ANKRD30B: variants seen among roughly 807,000 people sequenced by gnomAD.
The protein encoded by ANKRD30B is ankyrin repeat domain-containing protein 30B.
In ANKRD30B, 144 loss-of-function variants were observed where a neutral mutation model predicts 202.2. The ratio of observed to expected loss-of-function variants is 0.71; its 90% confidence interval spans 0.62 to 0.82. The LOEUF is 0.82. ANKRD30B is among the 40% of genes least tolerant of loss of function. ANKRD30B has a pLI of 0.00. For missense variants in ANKRD30B, 1,487 were observed against 1,669.1 expected, an observed-to-expected ratio of 0.89 and a Z score of 1.90; for synonymous variants, 508 against 561.3, an observed-to-expected ratio of 0.91 and a Z score of 1.34.
chr18:14,755,039 T>C, intron 4 of ANKRD30B, 34 bp downstream of exon 4: 1 of 1,225,392 alleles, frequency 8.2e-7, no homozygotes, highest in Middle Eastern at 2.0e-4. Flanking sequence ...TAAAAAACAC[T>C]TGACTAGTGT....
At chr18:14,790,285 T>C (rs958398177) in intron 15 of ANKRD30B, among the ~76,000 whole-genome samples, 1 of 152,186 alleles carries the variant, frequency 6.6e-6, no homozygotes, top group Non-Finnish European at 1.5e-5. Flanking sequence ...TAAGGAGATT[T>C]TGGGCTGAGA....
chr18:14,900,971 CTG>C, the ANKRD30B span, among the ~76,000 whole-genome samples: 1 of 152,272 alleles, frequency 6.6e-6, no homozygotes, highest in African/African-American at 2.4e-5. Context: ...TTAAGCCAAA[CTG>C]AATCTTAACT....
the ANKRD30B span, among the ~76,000 whole-genome samples, chr18:14,880,735 C>T: frequency 1.3e-5 from 2 of 151,836 alleles, no homozygotes; most frequent in African/African-American, 4.8e-5. Context: ...TTGGCTCCCT[C>T]TATGATTTCT....
intron 30 of ANKRD30B, among the ~76,000 whole-genome samples, chr18:14,821,861 TA>T (rs1198367520): frequency 1.1e-4 from 16 of 152,230 alleles, no homozygotes; most frequent in Admixed American, 3.9e-4. Context: ...AAAATACTCG[TA>T]TTTCACAGAG....
intron 3 of ANKRD30B, 46 bp from the exon 4 acceptor site, chr18:14,754,853 G>C (rs777574235): frequency 7.6e-7 from 1 of 1,319,938 alleles, no homozygotes. Context: ...GTTCAGCTGA[G>C]AAATATGTAA....
At chr18:14,883,421 A>C in the ANKRD30B span, 10 of 25,412 alleles carry the variant, frequency 3.9e-4, 1 homozygote, top group African/African-American at 1.1e-3. Flanking sequence ...ATATATATAT[A>C]TATATCTATA....
intron 42 of ANKRD30B, 170 bp downstream of exon 42, chr18:14,852,590 A>C: frequency 1.1e-6 from 1 of 929,774 alleles, no homozygotes; most frequent in Non-Finnish European, 1.4e-6. Flanking sequence ...AAGCTAAGAG[A>C]CGTTTTACTT....
At chr18:14,783,448 A>C (rs1967880614) in intron 12 of ANKRD30B, among the ~76,000 whole-genome samples, 1 of 152,148 alleles carries the variant, frequency 6.6e-6, no homozygotes, top group South Asian at 2.1e-4. Context: ...AGTGAGATAT[A>C]TTTGAAACTA....
In ANKRD30B at chr18:14,764,034, C is replaced by T. The variant is rs537750213; in HGVS notation, c.1169C>T (p.Thr390Ile). 8.3e-6 allele frequency: 13 copies of T among 1,567,172 alleles called. No individual in the cohort carries two copies. The highest frequency in any genetic ancestry group is 6.9e-5 in the East Asian group (3 of 43,412). ...PNKTEVLEKG[T>I]SNMIACPTKE... ...AAAACTGAAGTTTTGGAAAAAGGAA[C>T]ATCTAATATGATTGCATGTCCTACA... is the stretch of plus-strand genomic sequence containing the variant. Residue 390 changes from threonine (T) to isoleucine (I), a missense_variant, in exon 7 of 44, where the codon ACA (threonine) becomes ATA (isoleucine). Coordinates refer to ENST00000690538, the MANE Select transcript of ANKRD30B (RefSeq NM_001367607.2).
intron 32 of ANKRD30B, among the ~76,000 whole-genome samples, chr18:14,824,870 T>C (rs1450606594): frequency 6.6e-6 from 1 of 152,176 alleles, no homozygotes; most frequent in Non-Finnish European, 1.5e-5. Context: ...AGATAACATG[T>C]GAAGAAATAG....
At chr18:14,830,726 A>G (rs1970880616) in intron 33 of ANKRD30B, among the ~76,000 whole-genome samples, 1 of 152,162 alleles carries the variant, frequency 6.6e-6, no homozygotes, top group Non-Finnish European at 1.5e-5. Flanking sequence ...GCCATTAAGT[A>G]CATTTTCAGT....
chr18:14,906,198 C>T, the ANKRD30B span, among the ~76,000 whole-genome samples: 1 of 152,152 alleles, frequency 6.6e-6, no homozygotes, highest in Non-Finnish European at 1.5e-5. Context: ...CTGCCTCTTC[C>T]TGGAATCTGT....
At chr18:14,894,499 G>GTA in the ANKRD30B span, among the ~76,000 whole-genome samples, 4 of 151,680 alleles carry the variant, frequency 2.6e-5, no homozygotes, top group African/African-American at 7.3e-5. Flanking sequence ...TTTTGAAGGG[G>GTA]TATATATTAA....
In ANKRD30B at chr18:14,851,555, G is replaced by A. The variant is rs534323938; in HGVS notation, c.3611G>A (p.Cys1204Tyr). Residue 1204 changes from cysteine (C) to tyrosine (Y), a missense_variant, in exon 42 of 44, where the codon TGC (cysteine) becomes TAC (tyrosine). This residue lies in a region of ANKRD30B where 177 missense variants were observed against 216.4 expected (regional missense o/e 0.82). Coordinates refer to ENST00000690538, the MANE Select transcript of ANKRD30B (RefSeq NM_001367607.2). ...ESENDLFHEN[C>Y]MLKKEIAMLK... is the part of the protein sequence containing the mutation. ...GAAAATGATCTCTTTCATGAAAATTGCATGTTGAAAAAGGAAATTGCCATG... is the reference window on the plus strand; with the variant it reads ...GAAAATGATCTCTTTCATGAAAATTACATGTTGAAAAAGGAAATTGCCATG... 1.2e-4 allele frequency: 188 copies of A among 1,577,020 alleles called. 2 individuals carry two copies. The South Asian group carries it at 1.9e-3, about 16-fold the overall frequency.
the ANKRD30B span, among the ~76,000 whole-genome samples, chr18:14,922,676 A>G: frequency 3.3e-5 from 5 of 151,758 alleles, no homozygotes; most frequent in African/African-American, 7.3e-5. Flanking sequence ...AAAAAAGAAA[A>G]GAAAAGAAAG....
intron 18 of ANKRD30B, among the ~76,000 whole-genome samples, chr18:14,797,376 C>T (rs1968979452): frequency 6.6e-6 from 1 of 152,162 alleles, no homozygotes; most frequent in African/African-American, 2.4e-5. Flanking sequence ...GCTGTTGGCT[C>T]ATTCTGGCAG....
At chr18:14,939,080 C>T in the ANKRD30B span, among the ~76,000 whole-genome samples, 5 of 152,164 alleles carry the variant, frequency 3.3e-5, no homozygotes, top group Admixed American at 1.3e-4. Flanking sequence ...TCTTACTCAT[C>T]GTCTGTCTCT....
rs573374344 is a variant in ANKRD30B, at chr18:14,772,366, G to C, written c.1329+138G>C. On this transcript the variant is annotated intron_variant, in intron 9 of 43. Transcript: ENST00000690538. ...AGATAAAAACATTTTATAGAAATAG[G>C]AGTAGTTGATTTAAACAGTTTTTTT... 3.8e-5 allele frequency: 17 copies of C among 453,144 alleles called. No individual in the cohort carries two copies. In the South Asian group the frequency reaches 8.5e-4, roughly 23 times the overall value. 28.1% of individuals were successfully genotyped at this position (453,144 alleles called of 1,614,324 possible).
At chr18:14,931,702 C>A in the ANKRD30B span, among the ~76,000 whole-genome samples, 1 of 152,134 alleles carries the variant, frequency 6.6e-6, no homozygotes, top group African/African-American at 2.4e-5. Context: ...ACAGCGCACA[C>A]AGCATCCATG....
Sources: gnomAD v4.1 joint callset for allele counts (sites outside exome capture counted in the v4.1 genomes callset) on GRCh38, gnomAD v4.1.1 for gene constraint, gnomAD v4.1.1 regional missense constraint, MANE v1.5 for transcripts, NCBI Gene and HGNC (gene_info 2026-07-23, HGNC 2026-07-21) for gene names.